VPS13D: variants seen among roughly 807,000 people sequenced by gnomAD.
VPS13D encodes vacuolar protein sorting 13 homolog D.
A neutral mutation model predicts 461.9 loss-of-function variants in VPS13D; 187 were observed. The observed-to-expected ratio is 0.40, with a 90% CI of 0.36 to 0.46. The LOEUF (loss-of-function observed/expected upper bound fraction) is 0.46, where lower values mean the gene tolerates loss of function less well. Ranked by LOEUF, VPS13D falls within the 20% of genes least tolerant of loss-of-function variation. The probability of loss-of-function intolerance (pLI) is 0.60; values close to 1 mark genes in which losing one functional copy is unlikely to be tolerated. For missense variants in VPS13D, 4,711 were observed against 5,364.9 expected (o/e 0.88, Z 3.81); for synonymous variants, 1,951 against 1,986.3 (o/e 0.98, Z 0.47).
chr1:12,248,044 C>T (rs562947409), intron 5 of VPS13D, among the ~76,000 whole-genome samples: 4 of 151,914 alleles, frequency 2.6e-5, no homozygotes, highest in Middle Eastern at 3.4e-3. Context: ...CCTGCCACCA[C>T]GCCCCGCTAA....
intron 49 of VPS13D, among the ~76,000 whole-genome samples, chr1:12,357,224 C>T (rs1003805169): frequency 6.6e-6 from 1 of 152,176 alleles, no homozygotes; most frequent in Admixed American, 6.5e-5. Flanking sequence ...ATCGTGCTGA[C>T]AGCTTAACAG....
chr1:12,276,418 C>A lies in VPS13D; in HGVS notation c.2830C>A (p.His944Asn). ...LTQSIVLLEQ[H>N]TREVLVESQL... is the part of the protein sequence containing the mutation. ...CCAGAGCATTGTGTTGTTGGAGCAGCATACCCGCGAGGTTCTGGTGGAGTC... is the reference window on the plus strand; with the variant it reads ...CCAGAGCATTGTGTTGTTGGAGCAGAATACCCGCGAGGTTCTGGTGGAGTC... Residue 944 changes from histidine (H) to asparagine (N), a missense_variant, in exon 19 of 70, where the codon CAT becomes AAT. His to Asn is a moderately conservative substitution (Grantham distance 68). This residue lies in a region of VPS13D where 4,411 missense variants were observed against 4,937.8 expected (regional missense o/e 0.89). Transcript: ENST00000620676. The surrounding 1 kb of genome is among the most constrained non-coding windows in gnomAD (Gnocchi z 4.5). 1 of 1,614,184 alleles carries A rather than the reference C, an allele frequency of 6.2e-7. No individual in the cohort carries two copies. The highest frequency in any genetic ancestry group is 8.5e-7 in the Non-Finnish European group (1 of 1,180,038).
chr1:12,359,073 G>A (rs1347338170), intron 50 of VPS13D, among the ~76,000 whole-genome samples: 2 of 152,080 alleles, frequency 1.3e-5, no homozygotes, highest in Admixed American at 6.6e-5. Flanking sequence ...CAGGATTGGG[G>A]GATACAAATA....
chr1:12,423,252 A>G (rs1008071094), intron 65 of VPS13D, among the ~76,000 whole-genome samples: 3 of 152,206 alleles, frequency 2.0e-5, no homozygotes, highest in African/African-American at 7.2e-5. Flanking sequence ...GACTTTCCCA[A>G]GATCAGCCAG....
At position 12,400,953 on chromosome 1, in the gene VPS13D, T is replaced by TGCGC. The variant is rs1219516243; in HGVS notation, c.11784+630_11784+633dup. On this transcript the variant is annotated intron_variant, in intron 61 of 69. Transcript: ENST00000620676. ...TGGGTGATAGAGTGAGATGTGCACC[T>TGCGC]GCGCGCGCGCACACACACACACACA... is the stretch of plus-strand genomic sequence containing the variant. 7.0e-3 allele frequency among the ~76,000 whole-genome samples: 948 copies of TGCGC among 136,256 alleles called. 12 individuals carry two copies. Among genetic ancestry groups the TGCGC allele is most frequent in the African/African-American group, 0.021 (729 of 35,340 alleles). The allele number at this position is 136,256 out of a possible 152,430, so 89.4% of individuals were successfully genotyped here.
chr1:12,277,448 A>T lies in VPS13D; in HGVS notation c.3860A>T (p.Lys1287Met). 6.2e-7 allele frequency: 1 copy of T among 1,614,210 alleles called. No individual in the cohort carries two copies. The highest frequency in any genetic ancestry group is 1.1e-5 in the South Asian group (1 of 91,082). The change falls in exon 19 of 70, where the codon AAG (lysine) becomes ATG (methionine). Residue 1287 changes from lysine to methionine, a missense_variant. Transcript: ENST00000620676. ...RSKQECFLNL[K>M]MASLHYNHSA... ...AAACAGGAGTGTTTTCTCAACCTGA[A>T]GATGGCTTCTTTACATTATAACCAC... is the stretch of plus-strand genomic sequence containing the variant.
chr1:12,236,630 A>T (rs1475381086), intron 2 of VPS13D, among the ~76,000 whole-genome samples: 6 of 151,934 alleles, frequency 3.9e-5, no homozygotes, highest in African/African-American at 1.5e-4. Flanking sequence ...TGATCCTCCC[A>T]CCTGGGCCTC....
chr1:12,393,116 A>G (rs1416108130), intron 60 of VPS13D, among the ~76,000 whole-genome samples: 1 of 152,218 alleles, frequency 6.6e-6, no homozygotes, highest in Non-Finnish European at 1.5e-5. Context: ...GCTGAGGTAG[A>G]AGTTCCCTGA....
At position 12,491,446 on chromosome 1, in the gene VPS13D, G is replaced by A. The variant is rs550428116; in HGVS notation, c.12663-6054G>A. On this transcript the variant is annotated intron_variant, in intron 67 of 69. Transcript: ENST00000620676. ...CATAGTTACTCATCGTATAAGCTAC[G>A]AATAATTAATGCCTGGCTAAATGTT... 4.6e-5 allele frequency among the ~76,000 whole-genome samples: 7 copies of A among 152,282 alleles called. 1 individual carries two copies. Among genetic ancestry groups the A allele is most frequent in the Admixed American group, 1.3e-4 (2 of 15,300 alleles).
intron 67 of VPS13D, among the ~76,000 whole-genome samples, chr1:12,488,271 A>G (rs1479798126): frequency 2.6e-5 from 4 of 152,372 alleles, no homozygotes; most frequent in South Asian, 2.1e-4. Flanking sequence ...ACAAGTACCT[A>G]CTATGTGCCA....
rs777195094 is a variant in VPS13D at position 12,234,209 on chromosome 1, AAG to A, written c.-52_-51del. The A allele has an allele frequency of 1.1e-5, 14 of 1,229,574 alleles. No individual in the cohort carries two copies. The highest frequency in any genetic ancestry group is 1.7e-5 in the Non-Finnish European group (14 of 848,214). 76.2% of individuals were successfully genotyped at this position (1,229,574 alleles called of 1,614,324 possible). A position where few individuals can be genotyped will look rare whatever the true frequency, so the allele number is the denominator to read the frequency against. Reference sequence around the variant, plus strand: ...TTCATAGATTTTTCTGTGACCATGAAAGAGAGAAATAAAGAATGATCCATGAT... The same window carrying A: ...TTCATAGATTTTTCTGTGACCATGAAAGAGAAATAAAGAATGATCCATGAT... On this transcript the variant is annotated 5_prime_UTR_variant, in exon 2 of 70. The change creates a premature stop within an existing upstream ORF in the 5' untranslated region. Coordinates refer to ENST00000620676, the MANE Select transcript of VPS13D (RefSeq NM_015378.4).
Position 12,508,882 on chromosome 1 carries a change from C to G in VPS13D, c.13036-11C>G, listed in dbSNP as rs1261509908. 3 of 1,613,060 alleles carry G rather than the reference C, an allele frequency of 1.9e-6. No homozygotes were observed. Among genetic ancestry groups the G allele is most frequent in the African/African-American group, 1.3e-5 (1 of 75,012 alleles). On this transcript the variant is annotated splice_polypyrimidine_tract_variant and intron_variant, in intron 69 of 69. Coordinates refer to ENST00000620676, the MANE Select transcript of VPS13D (RefSeq NM_015378.4). ...CTGGGGACAGGTGACCCATCCTGTTCTCCTCCTTAGGTCCATGTGAAATCT... is the reference window on the plus strand; with the variant it reads ...CTGGGGACAGGTGACCCATCCTGTTGTCCTCCTTAGGTCCATGTGAAATCT...
At chr1:12,335,999 A>G (rs948326813) in intron 39 of VPS13D, 172 bp downstream of exon 39, 1 of 862,928 alleles carries the variant, frequency 1.2e-6, no homozygotes, top group Non-Finnish European at 1.7e-6. Context: ...TCTGGCATGA[A>G]CTACTGAACT....
Position 12,318,224 on chromosome 1 carries a change from C to T in VPS13D, c.7301C>T (p.Ser2434Phe). Residue 2434 changes from serine (S) to phenylalanine (F), a missense_variant, in exon 31 of 70, where the codon TCT becomes TTT. Physicochemically the swap from Ser to Phe is radical, Grantham distance 155 (BLOSUM62 -2). Around this residue, in one of 3 missense-constraint regions of VPS13D, gnomAD observed 4,411 missense variants for 4,937.8 expected, o/e 0.89. Transcript: ENST00000620676. ...NHVTPSRHRN[S>F]SSESAIVPKT... The stretch of plus-strand genomic sequence containing the variant: ...GTTACTCCTTCTCGCCACCGTAACT[C>T]TAGCAGCGAATCTGCTATAGTTCCC... The T allele has an allele frequency of 6.2e-7, 1 of 1,614,206 alleles. No individual in the cohort carries two copies. Among genetic ancestry groups the T allele is most frequent in the Non-Finnish European group, 8.5e-7 (1 of 1,180,044 alleles).
chr1:12,372,463 G>A (rs1170467049), intron 54 of VPS13D, among the ~76,000 whole-genome samples: 1 of 152,128 alleles, frequency 6.6e-6, no homozygotes, highest in Non-Finnish European at 1.5e-5. Context: ...AGTAACTAAT[G>A]ATGTTATGCG....
chr1:12,377,940 C>CT (rs1249321310), intron 55 of VPS13D, among the ~76,000 whole-genome samples: 2 of 151,930 alleles, frequency 1.3e-5, no homozygotes, highest in Non-Finnish European at 2.9e-5. Flanking sequence ...ATATAGTACG[C>CT]TTTCCTTATA....
At chr1:12,377,299 A>T (rs1644212775) in intron 55 of VPS13D, among the ~76,000 whole-genome samples, 2 of 151,438 alleles carry the variant, frequency 1.3e-5, no homozygotes, top group African/African-American at 4.8e-5. Flanking sequence ...ACCTCAGGTG[A>T]TACACCTGCC....
intron 60 of VPS13D, among the ~76,000 whole-genome samples, chr1:12,395,693 G>T (rs1333130785): frequency 6.6e-6 from 1 of 151,966 alleles, no homozygotes; most frequent in African/African-American, 2.4e-5. Flanking sequence ...TATGGTCAAA[G>T]GTATTATGTA....
intron 35 of VPS13D, 94 bp from the exon 36 acceptor site, chr1:12,327,554 G>A (rs1387177684): frequency 1.3e-5 from 16 of 1,270,132 alleles, no homozygotes; most frequent in African/African-American, 1.6e-5. Flanking sequence ...TTCCCAGTAG[G>A]TCTCTAGAGA....
Sources: allele counts gnomAD v4.1 joint callset (sites outside exome capture counted in the v4.1 genomes callset), GRCh38; gene constraint gnomAD v4.1.1; regional missense constraint gnomAD v4.1.1; non-coding constraint Gnocchi (gnomAD v3.1); transcripts MANE v1.5; gene names NCBI Gene and HGNC (gene_info 2026-07-23, HGNC 2026-07-21).